Variants in NEGR1 observed in about 807,000 individuals in gnomAD.
NEGR1 encodes the protein IgLON family member 4.
NEGR1 carries 10 observed loss-of-function variants against 40.9 expected under a neutral mutation model. The observed-to-expected ratio is 0.24, with a 90% CI of 0.15 to 0.42. The LOEUF (loss-of-function observed/expected upper bound fraction) is 0.42. Ranked by LOEUF, NEGR1 falls within the 10% of genes least tolerant of loss-of-function variation. NEGR1 has a pLI of 1.00. For synonymous variants in NEGR1, 185 were observed against 166.8 expected, an observed-to-expected ratio of 1.11 and a Z score of -0.84; for missense variants, 352 against 438.9, an observed-to-expected ratio of 0.80 and a Z score of 1.77.
intron 6 of NEGR1, among the ~76,000 whole-genome samples, chr1:71,419,973 A>T (rs1646384090): frequency 1.3e-5 from 2 of 152,012 alleles, no homozygotes; most frequent in Non-Finnish European, 2.9e-5. Flanking sequence ...ACACTAGTCA[A>T]GATGGTAAAA....
At chr1:72,166,098 A>G (rs1452455221) in intron 1 of NEGR1, among the ~76,000 whole-genome samples, 1 of 152,008 alleles carries the variant, frequency 6.6e-6, no homozygotes, top group Non-Finnish European at 1.5e-5. Context: ...ATGTGCCTTT[A>G]TCTTTCAAAC....
chr1:71,776,479 GT>G lies in NEGR1; in HGVS notation c.410-183del, dbSNP rs538638715. Among the ~76,000 whole-genome samples, 395 of 151,976 alleles carry G rather than the reference GT, an allele frequency of 2.6e-3. 3 individuals carry two copies. Among genetic ancestry groups the G allele is most frequent in the African/African-American group, 8.9e-3 (369 of 41,474 alleles). On this transcript the variant is annotated intron_variant, in intron 2 of 6. Transcript: ENST00000357731. ...AAGACTTTCTAGGAGTTTTTTATTA[GT>G]TTTTTTTCCCCTAATTTTTGGATGT...
chr1:71,605,036 G>A lies in NEGR1; in HGVS notation c.788+5990C>T, dbSNP rs934875828. 4.0e-5 allele frequency among the ~76,000 whole-genome samples: 6 copies of A among 151,832 alleles called. No individual in the cohort carries two copies. The East Asian group carries it at 1.2e-3, about 29-fold the overall frequency. Reference sequence around the variant, plus strand: ...AATTTATGTTTACCTCATTTGCAACGTTTTCATCCCTATATTAAATTATAT... The same window carrying A: ...AATTTATGTTTACCTCATTTGCAACATTTTCATCCCTATATTAAATTATAT... On this transcript the variant is annotated intron_variant, in intron 5 of 6. Coordinates refer to ENST00000357731, the MANE Select transcript of NEGR1 (RefSeq NM_173808.3).
chr1:71,807,720 T>C (rs983988194), intron 2 of NEGR1, among the ~76,000 whole-genome samples: 16 of 152,174 alleles, frequency 1.1e-4, no homozygotes, highest in Admixed American at 2.6e-4. Context: ...AGGGGACAAA[T>C]CCAGTAAGCA....
At chr1:71,571,929 G>T (rs1241504838) in intron 6 of NEGR1, among the ~76,000 whole-genome samples, 2 of 151,988 alleles carry the variant, frequency 1.3e-5, no homozygotes, top group Non-Finnish European at 2.9e-5. Context: ...TCCTTTTTAA[G>T]CTAATTTTCA....
intron 2 of NEGR1, among the ~76,000 whole-genome samples, chr1:71,915,103 T>A (rs1661535080): frequency 6.6e-6 from 1 of 152,182 alleles, no homozygotes; most frequent in Non-Finnish European, 1.5e-5. Context: ...TGAAGTCCTT[T>A]TTTTTTAATG....
intron 3 of NEGR1, among the ~76,000 whole-genome samples, chr1:71,759,675 T>A (rs1336910732): frequency 7.7e-6 from 1 of 129,348 alleles, no homozygotes; most frequent in Non-Finnish European, 1.6e-5. Context: ...AGCAGCGCCA[T>A]CTCGGCTCAC....
chr1:71,854,333 A>G (rs1036829875), intron 2 of NEGR1, among the ~76,000 whole-genome samples: 2 of 152,132 alleles, frequency 1.3e-5, no homozygotes, highest in African/African-American at 4.8e-5. Context: ...ATTTCTATAT[A>G]TTCTCAGAAT....
chr1:71,576,749 T>G (rs1465961309), intron 6 of NEGR1, among the ~76,000 whole-genome samples: 2 of 152,222 alleles, frequency 1.3e-5, no homozygotes, highest in Non-Finnish European at 2.9e-5. Context: ...TAAGTGTAAG[T>G]GATGTCTACA....
intron 1 of NEGR1, among the ~76,000 whole-genome samples, chr1:72,219,401 T>C (rs1653936265): frequency 6.6e-6 from 1 of 152,094 alleles, no homozygotes; most frequent in African/African-American, 2.4e-5. Flanking sequence ...TAATTACTCA[T>C]ATGTAACAAT....
intron 1 of NEGR1, among the ~76,000 whole-genome samples, chr1:72,209,285 T>C (rs535358790): frequency 2.4e-4 from 36 of 151,832 alleles, no homozygotes; most frequent in African/African-American, 7.9e-4. Context: ...CCTGAAAATA[T>C]ATTTGACTCT....
chr1:71,913,204 C>T (rs1348320982), intron 2 of NEGR1, among the ~76,000 whole-genome samples: 2 of 152,188 alleles, frequency 1.3e-5, no homozygotes, highest in Non-Finnish European at 2.9e-5. Flanking sequence ...CAACCTCCAC[C>T]TCCTGGGTTC....
intron 5 of NEGR1, among the ~76,000 whole-genome samples, chr1:71,610,565 A>T (rs1650219552): frequency 6.6e-6 from 1 of 152,184 alleles, no homozygotes; most frequent in Non-Finnish European, 1.5e-5. Context: ...AATATCTAAA[A>T]CATAGTGTTC....
chr1:71,830,658 G>A (rs1255647089), intron 2 of NEGR1, among the ~76,000 whole-genome samples: 1 of 151,872 alleles, frequency 6.6e-6, no homozygotes, highest in Non-Finnish European at 1.5e-5. Context: ...CCAGAAAGGA[G>A]GATAGGGAAT....
chr1:71,992,308 C>G (rs997143190), intron 1 of NEGR1, among the ~76,000 whole-genome samples: 1 of 151,922 alleles, frequency 6.6e-6, no homozygotes, highest in African/African-American at 2.4e-5. Context: ...AATTTATATA[C>G]ACATTGCTAC....
At chr1:71,511,318 T>C (rs1381756305) in intron 6 of NEGR1, among the ~76,000 whole-genome samples, 1 of 152,228 alleles carries the variant, frequency 6.6e-6, no homozygotes, top group Admixed American at 6.5e-5. Flanking sequence ...AATATTAGTT[T>C]CTCATGTATA....
At chr1:71,568,872 G>T (rs1050607068) in intron 6 of NEGR1, among the ~76,000 whole-genome samples, 2 of 145,180 alleles carry the variant, frequency 1.4e-5, no homozygotes, top group South Asian at 2.2e-4. Flanking sequence ...GTGTGTATAC[G>T]TATATATTAA....
At chr1:71,714,581 C>A (rs1369807165) in intron 3 of NEGR1, among the ~76,000 whole-genome samples, 1 of 152,156 alleles carries the variant, frequency 6.6e-6, no homozygotes, top group Non-Finnish European at 1.5e-5. Context: ...GGTAAATACA[C>A]CATGGCAAAT....
At chr1:72,042,926 G>A (rs1276363423) in intron 1 of NEGR1, among the ~76,000 whole-genome samples, 1 of 151,874 alleles carries the variant, frequency 6.6e-6, no homozygotes, top group Non-Finnish European at 1.5e-5. Context: ...CTAGAGATGG[G>A]GCTAAAACTG....
Sources: gnomAD v4.1 joint callset for allele counts (sites outside exome capture counted in the v4.1 genomes callset) on GRCh38, gnomAD v4.1.1 for gene constraint, MANE v1.5 for transcripts, NCBI Gene and HGNC (gene_info 2026-07-23, HGNC 2026-07-21) for gene names.